RPGRIP1: variants seen among roughly 807,000 people sequenced by gnomAD.
RPGRIP1 encodes the protein X-linked retinitis pigmentosa GTPase regulator-interacting protein 1.
A neutral mutation model predicts 157.9 loss-of-function variants in RPGRIP1; 128 were observed. That is an observed-to-expected ratio of 0.81 (90% CI 0.70 to 0.94). The LOEUF is 0.94. Ranked by LOEUF, RPGRIP1 falls within the 40% of genes least tolerant of loss-of-function variation. The pLI is 0.00. For synonymous variants in RPGRIP1, 554 were observed against 571.6 expected (o/e 0.97, Z 0.44); for missense variants, 1,486 against 1,545.8 (o/e 0.96, Z 0.65).
At chr14:21,332,912 T>C (rs950917839) in intron 20 of RPGRIP1, among the ~76,000 whole-genome samples, 3 of 152,088 alleles carry the variant, frequency 2.0e-5, no homozygotes, top group Non-Finnish European at 4.4e-5. Flanking sequence ...GAGACTAGCC[T>C]GGCCAACATG....
At chr14:21,301,718 ATAAT>A (rs1881042414) in intron 4 of RPGRIP1, among the ~76,000 whole-genome samples, 1 of 85,862 alleles carries the variant, frequency 1.2e-5, no homozygotes. Context: ...AATAATAATA[ATAAT>A]AAAAAATTAG....
chr14:21,292,697 C>T (rs1418157104), intron 2 of RPGRIP1, among the ~76,000 whole-genome samples: 1 of 151,752 alleles, frequency 6.6e-6, no homozygotes, highest in Non-Finnish European at 1.5e-5. Flanking sequence ...CAAAAATTAG[C>T]TGGCTGTGGT....
rs1412625438 is a variant in RPGRIP1 at position 21,325,318 on chromosome 14, CGAAA to C, written c.2308_2311del (p.Lys770ProfsTer87). 2 of 1,608,642 alleles carry C rather than the reference CGAAA, an allele frequency of 1.2e-6. No individual in the cohort carries two copies. Among genetic ancestry groups the C allele is most frequent in the African/African-American group, 2.7e-5 (2 of 74,806 alleles). ...ACCCAGCCTACAGGCGTGCAATAAA[CGAAA>C]GAAAGCCCAGGTCTACCTGTCAACC... On this transcript the variant is annotated frameshift_variant, in exon 16 of 25. Coordinates refer to ENST00000400017, the MANE Select transcript of RPGRIP1 (RefSeq NM_020366.4). LOFTEE classifies it high-confidence loss of function.
rs371675108 is a variant in RPGRIP1, at chr14:21,328,620, C to T, written c.3092C>T (p.Thr1031Ile). ...YLSLNILNGNTPEQVNYTEWK... is the reference protein window; with the variant it reads ...YLSLNILNGNIPEQVNYTEWK... ...AGCCTTAACATCTTAAATGGAAATA[C>T]ACCAGAGGTAAGACCTTAAAAACTC... Residue 1031 changes from threonine (T) to isoleucine (I), a missense_variant, in exon 19 of 25, where the codon ACA becomes ATA. Transcript: ENST00000400017. 5.6e-6 allele frequency: 9 copies of T among 1,609,358 alleles called. No homozygotes were observed. Among genetic ancestry groups the T allele is most frequent in the Middle Eastern group, 1.7e-4 (1 of 6,024 alleles).
At chr14:21,304,471 G>C (rs1179677305) in intron 6 of RPGRIP1, among the ~76,000 whole-genome samples, 1 of 151,652 alleles carries the variant, frequency 6.6e-6, no homozygotes, top group Non-Finnish European at 1.5e-5. Context: ...ATAAGTTTAT[G>C]TATAAAAGGA....
At chr14:21,283,782 C>A (rs113161731) in intron 1 of RPGRIP1, among the ~76,000 whole-genome samples, 2,533 of 152,134 alleles carry the variant, frequency 0.017, 35 homozygotes, top group Non-Finnish European at 0.026. Flanking sequence ...CTCAGCCTCC[C>A]GAGTAGCCGG....
At chr14:21,305,588 C>T (rs10147783) in intron 6 of RPGRIP1, among the ~76,000 whole-genome samples, 3,989 of 152,238 alleles carry the variant, frequency 0.026, 173 homozygotes, top group African/African-American at 0.091. Context: ...AGGCCGGGTG[C>T]GGTGGCTTAT....
chr14:21,341,429 C>T (rs1373705555), intron 21 of RPGRIP1, among the ~76,000 whole-genome samples: 1 of 152,120 alleles, frequency 6.6e-6, no homozygotes, highest in African/African-American at 2.4e-5. Flanking sequence ...ACAGGAGCTC[C>T]ACTTGCTTTC....
intron 2 of RPGRIP1, among the ~76,000 whole-genome samples, chr14:21,290,950 G>A (rs867721957): frequency 3.3e-5 from 5 of 150,404 alleles, no homozygotes; most frequent in Admixed American, 6.6e-5. Context: ...GCAGTGAGCC[G>A]AGATGGTGCC....
At chr14:21,317,532 C>G in intron 10 of RPGRIP1, 164 bp from the exon 11 acceptor site, 1 of 1,505,712 alleles carries the variant, frequency 6.6e-7, no homozygotes, top group Non-Finnish European at 8.9e-7. Flanking sequence ...CTCAAAAGTT[C>G]CAAGGCAGTT....
In RPGRIP1 at chr14:21,321,395, G is replaced by A. The variant is rs777234027; in HGVS notation, c.1604G>A (p.Cys535Tyr). ...ATTCTGCAGCGCAAAATCAACGTGT[G>A]TTATCAGGTGCAAGGAAAGATGGTA... ...MLILQRKINVCYQEELEAMMT... is the reference protein window; with the variant it reads ...MLILQRKINVYYQEELEAMMT... Residue 535 changes from cysteine (C) to tyrosine (Y), a missense_variant, in exon 13 of 25, where the codon TGT becomes TAT. Transcript: ENST00000400017. 4 of 1,610,140 alleles carry A rather than the reference G, an allele frequency of 2.5e-6. No individual in the cohort carries two copies. Among genetic ancestry groups the A allele is most frequent in the Non-Finnish European group, 3.4e-6 (4 of 1,178,542 alleles).
At chr14:21,318,542 C>T (rs1212199442) in intron 11 of RPGRIP1, among the ~76,000 whole-genome samples, 1 of 152,158 alleles carries the variant, frequency 6.6e-6, no homozygotes, top group Non-Finnish European at 1.5e-5. Context: ...GTGATGCGAT[C>T]TGGGCTCACT....
chr14:21,318,920 G>A (rs565905284), intron 11 of RPGRIP1, among the ~76,000 whole-genome samples: 2 of 151,240 alleles, frequency 1.3e-5, no homozygotes, highest in South Asian at 2.1e-4. Flanking sequence ...GTTCACCCCC[G>A]TCTTAACTCT....
intron 6 of RPGRIP1, among the ~76,000 whole-genome samples, chr14:21,304,395 GA>G (rs1566673247): frequency 3.1e-5 from 1 of 32,644 alleles, no homozygotes; most frequent in Non-Finnish European, 7.0e-5. Context: ...GAGAGAGAAA[GA>G]AAGAAAGAAA....
chr14:21,307,482 T>C (rs1344978652), intron 6 of RPGRIP1, among the ~76,000 whole-genome samples: 1 of 152,214 alleles, frequency 6.6e-6, no homozygotes, highest in African/African-American at 2.4e-5. Flanking sequence ...AAAAAGTAGT[T>C]ATTATCTTTT....
rs146156871 is a variant in RPGRIP1 at position 21,319,373 on chromosome 14, C to T, written c.1307-644C>T. 5.3e-3 allele frequency among the ~76,000 whole-genome samples: 805 copies of T among 152,216 alleles called. 8 individuals are homozygous for T. The highest frequency in any genetic ancestry group is 0.018 in the African/African-American group (738 of 41,526). ...GGCCAGGAGTTTCAGACCAGCCTGG[C>T]CAACATGGTGAAACCCCATCTTTAC... On this transcript the variant is annotated intron_variant, in intron 11 of 24. Coordinates refer to ENST00000400017, the MANE Select transcript of RPGRIP1 (RefSeq NM_020366.4).
chr14:21,318,160 G>A (rs1489393597), intron 11 of RPGRIP1: 1 of 508,898 alleles, frequency 2.0e-6, no homozygotes, highest in South Asian at 1.5e-5. Context: ...AGGCTCGAGT[G>A]CAATGGCACG....
intron 24 of RPGRIP1, among the ~76,000 whole-genome samples, chr14:21,349,333 G>A (rs971575927): frequency 4.0e-5 from 6 of 150,396 alleles, no homozygotes; most frequent in African/African-American, 1.5e-4. Flanking sequence ...GCCTCCCAAA[G>A]TGTTGGCATT....
chr14:21,320,014 C>T lies in RPGRIP1; in HGVS notation c.1307-3C>T, dbSNP rs780172536. 6.2e-7 allele frequency: 1 copy of T among 1,608,356 alleles called. No homozygotes were observed. Among genetic ancestry groups the T allele is most frequent in the South Asian group, 1.1e-5 (1 of 89,966 alleles). ...TTCACATTTCTGGATTATTTTTCCC[C>T]AGCCCAAAATGAGGATCTGAAGCTT... On this transcript the variant is annotated splice_polypyrimidine_tract_variant and splice_region_variant and intron_variant, in intron 11 of 24. Coordinates refer to ENST00000400017, the MANE Select transcript of RPGRIP1 (RefSeq NM_020366.4).
Sources: gnomAD v4.1 joint callset for allele counts (sites outside exome capture counted in the v4.1 genomes callset) on GRCh38, gnomAD v4.1.1 for gene constraint, MANE v1.5 for transcripts, NCBI Gene and HGNC (gene_info 2026-07-23, HGNC 2026-07-21) for gene names.